KDM4C: variants seen among roughly 807,000 people sequenced by gnomAD.
The protein encoded by KDM4C is lysine-specific demethylase 4C.
KDM4C carries 81 observed loss-of-function variants against 129.3 expected under a neutral mutation model. The ratio of observed to expected loss-of-function variants is 0.63; its 90% CI spans 0.52 to 0.75. The LOEUF (loss-of-function observed/expected upper bound fraction) is 0.75, where lower values mean the gene tolerates loss of function less well. Among genes scored for constraint, KDM4C ranks in the 30% least tolerant of loss-of-function variants. The pLI, the probability that KDM4C is intolerant of heterozygous loss-of-function variation, is 0.00. For synonymous variants in KDM4C, 573 were observed against 456.1 expected, an observed-to-expected ratio of 1.26 and a Z score of -3.26; for missense variants, 1,457 against 1,304.0, an observed-to-expected ratio of 1.12 and a Z score of -1.81.
At chr9:6,834,642 G>T in intron 4 of KDM4C, 1 of 778,874 alleles carries the variant, frequency 1.3e-6, no homozygotes, top group South Asian at 1.3e-5. Context: ...AGCAAGAGAG[G>T]CATCCTGACC....
intron 1 of KDM4C, chr9:6,724,044 A>G (rs201079060): frequency 2.6e-5 from 4 of 152,240 alleles, no homozygotes; most frequent in Non-Finnish European, 4.4e-5. Context: ...ATAATAGTAA[A>G]ACAGTACAGG....
intron 8 of KDM4C, among the ~76,000 whole-genome samples, chr9:6,936,904 T>G (rs1824901717): frequency 6.6e-6 from 1 of 152,232 alleles, no homozygotes; most frequent in Admixed American, 6.5e-5. Flanking sequence ...TTTAGCACAG[T>G]GCCTAGAACT....
At chr9:6,825,266 G>A (rs1166677572) in intron 4 of KDM4C, among the ~76,000 whole-genome samples, 1 of 151,938 alleles carries the variant, frequency 6.6e-6, no homozygotes, top group East Asian at 1.9e-4. Flanking sequence ...GAGTGAAAAA[G>A]GCAAATACTA....
At chr9:6,986,236 C>G (rs1341062274) in intron 10 of KDM4C, 108 bp from the exon 11 acceptor site, 1 of 712,868 alleles carries the variant, frequency 1.4e-6, no homozygotes, top group East Asian at 2.7e-5. Flanking sequence ...CATGCGCATG[C>G]GTGTGTATGT....
chr9:7,153,984 A>G (rs1223650897), intron 19 of KDM4C, among the ~76,000 whole-genome samples: 1 of 151,950 alleles, frequency 6.6e-6, no homozygotes, highest in African/African-American at 2.4e-5. Context: ...TCTCTCTTCT[A>G]CTTGTTTCTC....
chr9:6,748,855 T>C (rs554865757), intron 1 of KDM4C: 2 of 1,071,450 alleles, frequency 1.9e-6, no homozygotes, highest in African/African-American at 3.0e-5. Context: ...CAGCCTTCTA[T>C]CTGCATATTC....
intron 4 of KDM4C, among the ~76,000 whole-genome samples, chr9:6,842,431 T>G (rs964971901): frequency 2.0e-5 from 3 of 150,538 alleles, no homozygotes; most frequent in Non-Finnish European, 4.4e-5. Context: ...GCCTCCTGGG[T>G]TCACGTGATT....
intron 1 of KDM4C, among the ~76,000 whole-genome samples, chr9:6,771,737 A>G (rs1821887725): frequency 6.6e-6 from 1 of 152,196 alleles, no homozygotes; most frequent in African/African-American, 2.4e-5. Flanking sequence ...ACAATGTAGA[A>G]TTGCTGGAAA....
intron 5 of KDM4C, among the ~76,000 whole-genome samples, chr9:6,870,039 T>G (rs1028270271): frequency 3.4e-4 from 51 of 152,214 alleles, no homozygotes; most frequent in Non-Finnish European, 2.8e-4. Context: ...TTTTGACAAT[T>G]GGTTATGAGT....
intron 10 of KDM4C, among the ~76,000 whole-genome samples, chr9:6,985,492 G>T (rs1030055342): frequency 1.3e-5 from 2 of 152,202 alleles, no homozygotes; most frequent in Non-Finnish European, 2.9e-5. Context: ...ATAGGATGTT[G>T]CTGGTTTACC....
chr9:7,129,446 C>T (rs1402817838), intron 19 of KDM4C, among the ~76,000 whole-genome samples: 3 of 152,168 alleles, frequency 2.0e-5, no homozygotes, highest in African/African-American at 7.2e-5. Flanking sequence ...AGGGTTCTAG[C>T]TGGAGTTTCC....
chr9:6,962,362 G>A (rs1001672330), intron 8 of KDM4C, among the ~76,000 whole-genome samples: 1 of 152,158 alleles, frequency 6.6e-6, no homozygotes, highest in African/African-American at 2.4e-5. Context: ...CTAGTGTTCA[G>A]AAACGCAAAC....
At chr9:6,895,744 A>G (rs1407043552) in intron 8 of KDM4C, among the ~76,000 whole-genome samples, 1 of 152,220 alleles carries the variant, frequency 6.6e-6, no homozygotes, top group Admixed American at 6.5e-5. Flanking sequence ...TACAAAAAAT[A>G]AAAACAAAAA....
intron 1 of KDM4C, among the ~76,000 whole-genome samples, chr9:6,765,868 A>G (rs1488976260): frequency 1.3e-5 from 2 of 150,648 alleles, no homozygotes; most frequent in African/African-American, 4.9e-5. Flanking sequence ...GGCTCACTGC[A>G]ACCTTCACCT....
intron 12 of KDM4C, among the ~76,000 whole-genome samples, chr9:6,993,522 G>A (rs928225413): frequency 6.6e-6 from 1 of 152,132 alleles, no homozygotes; most frequent in South Asian, 2.1e-4. Flanking sequence ...GAAGCATCCA[G>A]GATATGTACG....
At chr9:7,111,922 C>T (rs1838363299) in intron 18 of KDM4C, among the ~76,000 whole-genome samples, 1 of 152,060 alleles carries the variant, frequency 6.6e-6, no homozygotes, top group South Asian at 2.1e-4. Flanking sequence ...AAGGATTATC[C>T]TTTCTAGAGG....
intron 8 of KDM4C, among the ~76,000 whole-genome samples, chr9:6,965,454 G>T (rs905164408): frequency 6.6e-6 from 1 of 152,102 alleles, no homozygotes; most frequent in Non-Finnish European, 1.5e-5. Context: ...GGGTTCTCCA[G>T]ACTAACAATA....
At chr9:6,957,350 T>G (rs1292780599) in intron 8 of KDM4C, among the ~76,000 whole-genome samples, 1 of 152,214 alleles carries the variant, frequency 6.6e-6, no homozygotes, top group African/African-American at 2.4e-5. Flanking sequence ...AGATGACTAG[T>G]TGCAAGAAGG....
At chr9:6,845,735 C>T (rs901022556) in intron 4 of KDM4C, among the ~76,000 whole-genome samples, 5 of 152,124 alleles carry the variant, frequency 3.3e-5, no homozygotes, top group African/African-American at 7.2e-5. Flanking sequence ...GGCCGGGGCA[C>T]GTAGACTCCC....
Sources: allele counts gnomAD v4.1 joint callset (sites outside exome capture counted in the v4.1 genomes callset), GRCh38; gene constraint gnomAD v4.1.1; transcripts MANE v1.5; gene names NCBI Gene and HGNC (gene_info 2026-07-23, HGNC 2026-07-21).